CNGA1: variants seen among roughly 807,000 people sequenced by gnomAD.
CNGA1 encodes the protein cyclic nucleotide-gated channel alpha-1.
In CNGA1, 53 loss-of-function variants were observed where a neutral mutation model predicts 69.7. That is an observed-to-expected ratio of 0.76 (90% CI 0.61 to 0.96). CNGA1 has a LOEUF of 0.96. Among genes scored for constraint, CNGA1 ranks in the 40% least tolerant of loss-of-function variants. The pLI, the probability that CNGA1 is intolerant of heterozygous loss-of-function variation, is 0.00. For missense variants in CNGA1, 739 were observed against 811.2 expected (o/e 0.91, Z 1.08); for synonymous variants, 249 against 283.5 (o/e 0.88, Z 1.22).
chr4:47,967,857 G>A (rs1351029421), intron 3 of CNGA1, among the ~76,000 whole-genome samples: 1 of 151,830 alleles, frequency 6.6e-6, no homozygotes, highest in African/African-American at 2.4e-5. Context: ...GGGTGCCTGT[G>A]GTCCCAGCTA....
rs1443125817 is a variant in CNGA1, at chr4:47,971,904, A to ACAAG, written c.-15+9488_-15+9489insCTTG. ...GCAAGACTCTCTGAAAAACAAACAA[A>ACAAG]CAAACAAACAAACAACAACAACAAC... On this transcript the variant is annotated intron_variant, in intron 3 of 10. Coordinates refer to ENST00000514170, the MANE Select transcript of CNGA1 (RefSeq NM_001379270.1). Among the ~76,000 whole-genome samples the ACAAG allele has an allele frequency of 3.7e-3, 457 of 122,076 alleles. 13 individuals carry two copies. The East Asian group carries it at 0.058, about 15-fold the overall frequency. 80.1% of individuals were successfully genotyped at this position (122,076 alleles called of 152,430 possible).
chr4:47,937,650 A>G lies in CNGA1; in HGVS notation c.832T>C (p.Phe278Leu). The stretch of plus-strand genomic sequence containing the variant: ...GTTTCTGTTCTCTGGAAGAACTCAA[A>G]CATACGAGAGAACCGTAACAACCTG... Reference protein sequence around the residue: ...LNRLLRFSRMFEFFQRTETRT... With the variant: ...LNRLLRFSRMLEFFQRTETRT... Residue 278 changes from phenylalanine to leucine, a missense_variant, in exon 11 of 11, where the codon TTT becomes CTT. Phe to Leu is a conservative substitution (Grantham distance 22). Transcript: ENST00000514170. The G allele has an allele frequency of 6.2e-7, 1 of 1,614,164 alleles. No individual in the cohort carries two copies. Among genetic ancestry groups the G allele is most frequent in the Non-Finnish European group, 8.5e-7 (1 of 1,180,016 alleles).
In CNGA1 at chr4:47,943,413, C is replaced by T; in HGVS notation, c.288-1G>A. ...CTTTTTCTTTTTTTCTTCTGGTTCC[C>T]TAAAGAAAAAAATAATATATCTGTC... On this transcript the variant is annotated splice_acceptor_variant, in intron 6 of 10. Transcript: ENST00000514170. LOFTEE classifies it high-confidence loss of function. The T allele has an allele frequency of 6.9e-7, 1 of 1,459,072 alleles. No individual in the cohort carries two copies. The highest frequency in any genetic ancestry group is 9.2e-7 in the Non-Finnish European group (1 of 1,087,238). 90.4% of individuals were successfully genotyped at this position (1,459,072 alleles called of 1,614,324 possible).
intron 3 of CNGA1, chr4:47,971,102 T>TAAA: frequency 2.6e-6 from 1 of 389,388 alleles, no homozygotes; most frequent in Non-Finnish European, 5.1e-6. Flanking sequence ...AGACTCCATC[T>TAAA]AAAAAAAAAA....
intron 3 of CNGA1, 172 bp from the exon 4 acceptor site, chr4:47,952,875 T>C (rs922640439): frequency 5.2e-6 from 2 of 382,784 alleles, no homozygotes; most frequent in Non-Finnish European, 9.1e-6. Context: ...TCCACATGGC[T>C]AGGGGGAGCC....
intron 10 of CNGA1, among the ~76,000 whole-genome samples, chr4:47,940,199 C>T (rs1033154846): frequency 1.3e-5 from 2 of 152,306 alleles, no homozygotes; most frequent in Admixed American, 6.5e-5. Context: ...TTCAATTTTA[C>T]GTAATGATTC....
intron 3 of CNGA1, among the ~76,000 whole-genome samples, chr4:47,967,182 A>G (rs977807855): frequency 2.0e-5 from 3 of 152,216 alleles, no homozygotes; most frequent in Non-Finnish European, 4.4e-5. Flanking sequence ...GAGCACCTGT[A>G]ATCCCAGCTA....
chr4:47,975,239 T>A (rs1741286523), intron 3 of CNGA1, among the ~76,000 whole-genome samples: 1 of 152,184 alleles, frequency 6.6e-6, no homozygotes, highest in Admixed American at 6.5e-5. Context: ...GTAATTCTCA[T>A]GAAAAACTAA....
intron 6 of CNGA1, 24 bp downstream of exon 6, chr4:47,949,809 G>T (rs1295743737): frequency 1.2e-6 from 2 of 1,603,186 alleles, no homozygotes; most frequent in Admixed American, 3.4e-5. Flanking sequence ...CAAAACTTTG[G>T]TTTTCTATTG....
At chr4:48,012,293 T>C (rs1433698745) in intron 1 of CNGA1, among the ~76,000 whole-genome samples, 2 of 152,130 alleles carry the variant, frequency 1.3e-5, no homozygotes, top group African/African-American at 4.8e-5. Context: ...CTAGGACAAA[T>C]TGCTGCTATT....
Position 48,007,341 on chromosome 4 carries a change from T to C in CNGA1, c.-123+3453A>G, listed in dbSNP as rs116548136. 7.2e-3 allele frequency among the ~76,000 whole-genome samples: 1,093 copies of C among 152,334 alleles called. 8 individuals carry two copies. The highest frequency in any genetic ancestry group is 0.025 in the African/African-American group (1,030 of 41,576). On this transcript the variant is annotated intron_variant, in intron 2 of 10. Coordinates refer to ENST00000514170, the MANE Select transcript of CNGA1 (RefSeq NM_001379270.1). ...GAGTGTCTTTGACATTACTGGTTAA[T>C]TTATAGAGAAATTGAACTTATTTTA...
At chr4:47,970,266 ACAGC>A in intron 3 of CNGA1, among the ~76,000 whole-genome samples, 1 of 152,324 alleles carries the variant, frequency 6.6e-6, no homozygotes, top group East Asian at 1.9e-4. Context: ...GTTGAAGAAC[ACAGC>A]CAGCACAAGG....
chr4:47,948,581 G>A (rs1045657609), intron 6 of CNGA1, among the ~76,000 whole-genome samples: 1 of 152,106 alleles, frequency 6.6e-6, no homozygotes, highest in African/African-American at 2.4e-5. Flanking sequence ...TTAAGCTACG[G>A]CTACTCCCCA....
Position 47,984,640 on chromosome 4 carries a change from T to TAAA in CNGA1, c.-122-3143_-122-3141dup, listed in dbSNP as rs1553868839. 7.0e-3 allele frequency among the ~76,000 whole-genome samples: 723 copies of TAAA among 103,644 alleles called. 5 individuals carry two copies. The highest frequency in any genetic ancestry group is 0.02 in the African/African-American group (674 of 32,954). 68.0% of individuals were successfully genotyped at this position (103,644 alleles called of 152,430 possible). A position where few individuals can be genotyped will look rare whatever the true frequency, so the allele number is the denominator to read the frequency against. ...CATCTCAAAAAAACAAACAAACAAA[T>TAAA]AAAAAAAATATATATATATATATAC... On this transcript the variant is annotated intron_variant, in intron 2 of 10. Coordinates refer to ENST00000514170, the MANE Select transcript of CNGA1 (RefSeq NM_001379270.1).
chr4:47,966,232 C>G (rs560762156), intron 3 of CNGA1, among the ~76,000 whole-genome samples: 3 of 152,282 alleles, frequency 2.0e-5, no homozygotes, highest in African/African-American at 7.2e-5. Flanking sequence ...GGGTTCAAAA[C>G]CTGGCTCTGC....
At chr4:47,977,051 G>T (rs895353081) in intron 3 of CNGA1, among the ~76,000 whole-genome samples, 3 of 152,218 alleles carry the variant, frequency 2.0e-5, no homozygotes, top group East Asian at 3.8e-4. Flanking sequence ...GAAACAGCAT[G>T]TGTAAAAGGT....
chr4:47,955,168 CTTTTCTTTTT>C (rs1560628208), intron 3 of CNGA1, among the ~76,000 whole-genome samples: 8 of 107,586 alleles, frequency 7.4e-5, no homozygotes, highest in South Asian at 6.1e-4. Flanking sequence ...TCTCTTTTTT[CTTTTCTTTTT>C]TTTTTTTTTT....
chr4:47,984,695 T>C (rs976224724), intron 2 of CNGA1, among the ~76,000 whole-genome samples: 23 of 146,004 alleles, frequency 1.6e-4, no homozygotes, highest in South Asian at 6.4e-4. Context: ...CACACACACA[T>C]ATATATATAA....
At chr4:47,964,340 G>C (rs932012922) in intron 3 of CNGA1, among the ~76,000 whole-genome samples, 2 of 152,074 alleles carry the variant, frequency 1.3e-5, no homozygotes, top group African/African-American at 4.8e-5. Flanking sequence ...AGAACAAACC[G>C]AGCCTGGGCT....
Sources: gnomAD v4.1 joint callset for allele counts (sites outside exome capture counted in the v4.1 genomes callset) on GRCh38, gnomAD v4.1.1 for gene constraint, MANE v1.5 for transcripts, NCBI Gene and HGNC (gene_info 2026-07-23, HGNC 2026-07-21) for gene names.